SCMH1: variants seen among roughly 807,000 people sequenced by gnomAD.
SCMH1 encodes the protein Scm polycomb group protein homolog 1, also known as polycomb protein SCMH1.
Under a neutral mutation model 70.8 loss-of-function variants are expected in SCMH1, and 37 were observed. That is an observed-to-expected ratio of 0.52 (90% CI 0.40 to 0.69). The LOEUF (loss-of-function observed/expected upper bound fraction) is 0.69. Among genes scored for constraint, SCMH1 ranks in the 30% least tolerant of loss-of-function variants. The probability of loss-of-function intolerance (pLI) is 0.00; values close to 1 mark genes in which losing one functional copy is unlikely to be tolerated. For synonymous variants in SCMH1, 292 were observed against 307.4 expected, an observed-to-expected ratio of 0.95 and a Z score of 0.52; for missense variants, 607 against 827.3, an observed-to-expected ratio of 0.73 and a Z score of 3.27.
At chr1:41,057,490 TC>T (rs1184805532) in intron 10 of SCMH1, among the ~76,000 whole-genome samples, 2 of 152,062 alleles carry the variant, frequency 1.3e-5, no homozygotes, top group Non-Finnish European at 2.9e-5. Flanking sequence ...CCTCAAGTGA[TC>T]TGCCCACCTT....
intron 6 of SCMH1, among the ~76,000 whole-genome samples, chr1:41,117,414 C>A (rs1041934985): frequency 6.6e-6 from 1 of 152,120 alleles, no homozygotes; most frequent in African/African-American, 2.4e-5. Context: ...TCTGGGAAGA[C>A]GCCCGTTGCC....
intron 6 of SCMH1, among the ~76,000 whole-genome samples, chr1:41,120,693 T>C (rs1222394642): frequency 6.6e-6 from 1 of 152,170 alleles, no homozygotes; most frequent in African/African-American, 2.4e-5. Context: ...AGATAGTAGA[T>C]AATTTTAACA....
At chr1:41,092,012 G>GA (rs1663696537) in intron 8 of SCMH1, among the ~76,000 whole-genome samples, 1 of 152,050 alleles carries the variant, frequency 6.6e-6, no homozygotes. Context: ...CACAGAATTG[G>GA]AAAAAACTAC....
At chr1:41,179,803 C>T (rs1024285025) in intron 2 of SCMH1, among the ~76,000 whole-genome samples, 2 of 152,210 alleles carry the variant, frequency 1.3e-5, no homozygotes, top group Admixed American at 1.3e-4. Flanking sequence ...GACCTGGTAC[C>T]ATTCCTTCTG....
At chr1:41,071,253 A>T (rs1440880549) in intron 9 of SCMH1, among the ~76,000 whole-genome samples, 2 of 89,572 alleles carry the variant, frequency 2.2e-5, no homozygotes, top group Non-Finnish European at 4.2e-5. Context: ...TACCTGGTCC[A>T]CACCTTTACA....
intron 2 of SCMH1, among the ~76,000 whole-genome samples, chr1:41,171,884 G>A (rs1409708044): frequency 6.6e-6 from 1 of 152,106 alleles, no homozygotes; most frequent in Non-Finnish European, 1.5e-5. Context: ...ATGGGATACA[G>A]CAAAAGCAAT....
At chr1:41,116,762 T>C (rs1670567492) in intron 7 of SCMH1, among the ~76,000 whole-genome samples, 160 bp downstream of exon 7, 2 of 152,224 alleles carry the variant, frequency 1.3e-5, no homozygotes, top group Admixed American at 6.5e-5. Context: ...TAGTCTAATA[T>C]ATTCCTCTGG....
intron 1 of SCMH1, among the ~76,000 whole-genome samples, chr1:41,194,772 T>G (rs1652591373): frequency 1.3e-5 from 2 of 152,160 alleles, no homozygotes; most frequent in Non-Finnish European, 2.9e-5. Flanking sequence ...CAAATGAGAA[T>G]CAGATTTCTT....
At chr1:41,188,442 C>T (rs1482375159) in intron 1 of SCMH1, among the ~76,000 whole-genome samples, 1 of 152,184 alleles carries the variant, frequency 6.6e-6, no homozygotes, top group Non-Finnish European at 1.5e-5. Flanking sequence ...CAATGGGTAG[C>T]CACTAGCCAC....
intron 8 of SCMH1, among the ~76,000 whole-genome samples, chr1:41,082,477 TG>T (rs1409108415): frequency 6.6e-6 from 1 of 151,832 alleles, no homozygotes; most frequent in Non-Finnish European, 1.5e-5. Flanking sequence ...GCTTCATAAG[TG>T]AAGGAGAAAT....
At chr1:41,229,974 G>C (rs1025004606) in intron 1 of SCMH1, among the ~76,000 whole-genome samples, 1 of 152,178 alleles carries the variant, frequency 6.6e-6, no homozygotes, top group Non-Finnish European at 1.5e-5. Context: ...TGAGAGACAG[G>C]AAAGAGCTTC....
exon 11 of SCMH1, chr1:41,048,720 T>C: frequency 6.2e-7 from 1 of 1,614,062 alleles, no homozygotes; most frequent in Non-Finnish European, 8.5e-7. Flanking sequence ...TGGCCTTGCT[T>C]GAGGAAGCTG....
intron 8 of SCMH1, among the ~76,000 whole-genome samples, chr1:41,082,787 G>C (rs1189449203): frequency 6.6e-6 from 1 of 152,064 alleles, no homozygotes; most frequent in Non-Finnish European, 1.5e-5. Context: ...TGATCAAGTG[G>C]GCTTCATCCC....
intron 2 of SCMH1, among the ~76,000 whole-genome samples, chr1:41,178,480 C>T (rs1349028035): frequency 1.3e-5 from 2 of 152,138 alleles, no homozygotes; most frequent in African/African-American, 2.4e-5. Context: ...GTGCTGTATT[C>T]AGGAGACCCA....
In SCMH1 at chr1:41,189,398, G is replaced by A. The variant is rs932015608; in HGVS notation, c.-117-3148C>T. The stretch of plus-strand genomic sequence containing the variant: ...ACTCCTGACCTCAGGTGATCCACCC[G>A]CCTCGGCCTCCCAAAGTGATGGGAT... On this transcript the variant is annotated intron_variant, in intron 1 of 14. Transcript: ENST00000337495. 2.6e-5 allele frequency among the ~76,000 whole-genome samples: 4 copies of A among 152,104 alleles called. No homozygotes were observed. The East Asian group carries it at 7.7e-4, about 29-fold the overall frequency.
At chr1:41,087,803 G>A (rs1662148906) in intron 8 of SCMH1, among the ~76,000 whole-genome samples, 1 of 151,900 alleles carries the variant, frequency 6.6e-6, no homozygotes, top group South Asian at 2.1e-4. Context: ...ACCGCTTCTG[G>A]TCATTTACCC....
chr1:41,105,440 C>T (rs1667659085), intron 8 of SCMH1, among the ~76,000 whole-genome samples: 1 of 152,092 alleles, frequency 6.6e-6, no homozygotes, highest in Non-Finnish European at 1.5e-5. Flanking sequence ...TGGCATGTTC[C>T]AAGTGGTGGG....
intron 1 of SCMH1, among the ~76,000 whole-genome samples, chr1:41,190,349 G>A (rs1452824681): frequency 6.6e-6 from 1 of 152,146 alleles, no homozygotes; most frequent in Non-Finnish European, 1.5e-5. Context: ...TTACCCCAAG[G>A]GAGAGAATTA....
At position 41,169,495 on chromosome 1, in the gene SCMH1, T is replaced by C. The variant is rs559396295; in HGVS notation, c.14-8063A>G. Among the ~76,000 whole-genome samples the C allele has an allele frequency of 4.6e-5, 7 of 152,210 alleles. No individual in the cohort carries two copies. In the South Asian group the frequency reaches 1.4e-3, roughly 32 times the overall value. ...AAGCCACCCCCATTGTTCTGTGATCTAGAAAAACTCATCTATGCCTAGTCC... is the reference window on the plus strand; with the variant it reads ...AAGCCACCCCCATTGTTCTGTGATCCAGAAAAACTCATCTATGCCTAGTCC... On this transcript the variant is annotated intron_variant, in intron 2 of 14. Coordinates refer to ENST00000337495, the Ensembl canonical transcript of SCMH1.
Sources: allele counts gnomAD v4.1 joint callset (sites outside exome capture counted in the v4.1 genomes callset), GRCh38; gene constraint gnomAD v4.1.1; transcripts MANE v1.5; gene names NCBI Gene and HGNC (gene_info 2026-07-23, HGNC 2026-07-21).